The following CPQ variants were observed in gnomAD, a reference collection of about 807,000 sequenced individuals.
CPQ encodes the protein Ser-Met dipeptidase.
CPQ carries 37 observed loss-of-function variants against 45.7 expected under a neutral mutation model. The observed-to-expected ratio is 0.81, with a 90% confidence interval of 0.62 to 1.07. The LOEUF is 1.07. Ranked by LOEUF, CPQ falls within the 50% of genes least tolerant of loss-of-function variation. The pLI is 0.00. For synonymous variants in CPQ, 186 were observed against 205.8 expected (o/e 0.90, Z 0.82); for missense variants, 537 against 572.9 (o/e 0.94, Z 0.64).
intron 4 of CPQ, among the ~76,000 whole-genome samples, chr8:96,926,524 TTTC>T (rs1006251819): frequency 6.7e-6 from 1 of 149,670 alleles, no homozygotes; most frequent in Non-Finnish European, 1.5e-5. Flanking sequence ...CCAGTCCTCC[TTTC>T]TTCTTTTTCT....
chr8:96,774,186 G>T (rs1383638318), intron 1 of CPQ, among the ~76,000 whole-genome samples: 1 of 151,870 alleles, frequency 6.6e-6, no homozygotes, highest in Non-Finnish European at 1.5e-5. Context: ...CAGGGGAATT[G>T]CTTGAACCCA....
chr8:97,093,217 G>T (rs1043153883), intron 7 of CPQ, among the ~76,000 whole-genome samples: 25 of 152,318 alleles, frequency 1.6e-4, no homozygotes, highest in African/African-American at 6.0e-4. Context: ...CACACTGCTG[G>T]TGGGAATGTA....
intron 7 of CPQ, among the ~76,000 whole-genome samples, chr8:97,112,449 C>T (rs1811513681): frequency 6.6e-6 from 1 of 152,172 alleles, no homozygotes. Context: ...ATGAGGGTGG[C>T]ATGGCACAGA....
intron 1 of CPQ, among the ~76,000 whole-genome samples, chr8:96,685,593 T>G (rs971975581): frequency 2.0e-5 from 3 of 152,148 alleles, no homozygotes; most frequent in Non-Finnish European, 4.4e-5. Flanking sequence ...TATTTTTCTG[T>G]TTACAAACCA....
intron 7 of CPQ, among the ~76,000 whole-genome samples, chr8:97,123,389 TAGC>T (rs1197685252): frequency 6.7e-6 from 1 of 150,358 alleles, no homozygotes; most frequent in East Asian, 1.9e-4. Flanking sequence ...TATATGATAA[TAGC>T]ATAAAAGAAA....
At chr8:96,720,703 C>T (rs1257328426) in intron 1 of CPQ, among the ~76,000 whole-genome samples, 4 of 151,742 alleles carry the variant, frequency 2.6e-5, no homozygotes, top group Non-Finnish European at 4.4e-5. Context: ...CAGTTTTGCT[C>T]CCCCCTCCTC....
chr8:97,044,710 C>T (rs1203068875), intron 6 of CPQ, among the ~76,000 whole-genome samples: 2 of 152,202 alleles, frequency 1.3e-5, no homozygotes, highest in South Asian at 2.1e-4. Flanking sequence ...ACAGACAGGA[C>T]CCTCAGCTGC....
intron 1 of CPQ, among the ~76,000 whole-genome samples, chr8:96,708,962 C>T (rs1809571403): frequency 6.6e-6 from 1 of 152,030 alleles, no homozygotes; most frequent in Non-Finnish European, 1.5e-5. Flanking sequence ...AAGTATTTTA[C>T]TTTTCAGTTT....
chr8:96,923,426 A>T (rs540415938), intron 4 of CPQ, among the ~76,000 whole-genome samples: 11 of 152,234 alleles, frequency 7.2e-5, no homozygotes, highest in African/African-American at 2.6e-4. Flanking sequence ...GTCCATTGGG[A>T]ATAATTTAGT....
At chr8:96,964,651 A>G (rs532486003) in intron 4 of CPQ, among the ~76,000 whole-genome samples, 12 of 152,152 alleles carry the variant, frequency 7.9e-5, no homozygotes, top group Non-Finnish European at 1.8e-4. Flanking sequence ...AGATCTTAGT[A>G]AATATTTAGA....
chr8:96,733,688 T>C lies in CPQ; in HGVS notation c.-34-51176T>C, dbSNP rs891149940. Among the ~76,000 whole-genome samples, 4 of 152,300 alleles carry C rather than the reference T, an allele frequency of 2.6e-5. No homozygotes were observed. In the East Asian group the frequency reaches 5.8e-4, roughly 22 times the overall value. ...CAATATGTCAGAAACATTATCATTTTAACATGTAATCGTGTAAATAATGAG... is the reference window on the plus strand; with the variant it reads ...CAATATGTCAGAAACATTATCATTTCAACATGTAATCGTGTAAATAATGAG... On this transcript the variant is annotated intron_variant, in intron 1 of 7. Coordinates refer to ENST00000220763, the MANE Select transcript of CPQ (RefSeq NM_016134.4).
intron 5 of CPQ, among the ~76,000 whole-genome samples, chr8:96,990,817 G>A (rs528382786): frequency 3.6e-4 from 55 of 152,310 alleles, no homozygotes; most frequent in Admixed American, 1.6e-3. Flanking sequence ...CTGGGTAGCA[G>A]GTGACCCCTA....
At chr8:97,021,098 A>G (rs1233694610) in intron 5 of CPQ, among the ~76,000 whole-genome samples, 2 of 152,242 alleles carry the variant, frequency 1.3e-5, no homozygotes, top group Non-Finnish European at 2.9e-5. Context: ...GATACACCAC[A>G]TAAGCAGAAT....
In CPQ at chr8:96,834,536, GGTT is replaced by G. The variant is rs202064731; in HGVS notation, c.434-433_434-431del. 7.5e-3 allele frequency among the ~76,000 whole-genome samples: 1,145 copies of G among 152,202 alleles called. 6 individuals are homozygous for G. The highest frequency in any genetic ancestry group is 9.3e-3 in the Non-Finnish European group (635 of 68,006). On this transcript the variant is annotated intron_variant, in intron 2 of 7. Coordinates refer to ENST00000220763, the MANE Select transcript of CPQ (RefSeq NM_016134.4). ...GCATCCTTTGTATGATGTTGTTGTA[GGTT>G]GTTTAGCAACATATCAAAATAGTTA... is the stretch of plus-strand genomic sequence containing the variant.
intron 4 of CPQ, among the ~76,000 whole-genome samples, chr8:96,946,145 A>T (rs941364626): frequency 6.6e-6 from 1 of 152,018 alleles, no homozygotes; most frequent in African/African-American, 2.4e-5. Context: ...ATTTGATTTC[A>T]TCTTCAGCAC....
At chr8:96,952,623 G>A (rs2130340304) in intron 4 of CPQ, among the ~76,000 whole-genome samples, 1 of 152,112 alleles carries the variant, frequency 6.6e-6, no homozygotes, top group Non-Finnish European at 1.5e-5. Flanking sequence ...CTATTATAAG[G>A]GGTATAGCAA....
intron 2 of CPQ, among the ~76,000 whole-genome samples, chr8:96,803,133 A>G (rs1054035709): frequency 2.0e-5 from 3 of 152,182 alleles, no homozygotes; most frequent in Non-Finnish European, 4.4e-5. Flanking sequence ...AATAGTATAC[A>G]TTCCAGTCTG....
chr8:96,649,089 C>T (rs767340346), intron 1 of CPQ, among the ~76,000 whole-genome samples: 32 of 152,250 alleles, frequency 2.1e-4, no homozygotes, highest in East Asian at 9.6e-4. Context: ...GATTCTCCTG[C>T]CTCAGCCTCC....
intron 4 of CPQ, among the ~76,000 whole-genome samples, chr8:96,919,027 GTACATAA>G (rs1812770717): frequency 2.0e-5 from 3 of 151,976 alleles, no homozygotes; most frequent in Admixed American, 1.3e-4. Flanking sequence ...TGCCCCATGG[GTACATAA>G]GTTACTCTAG....
Sources: gnomAD v4.1 joint callset for allele counts (sites outside exome capture counted in the v4.1 genomes callset) on GRCh38, gnomAD v4.1.1 for gene constraint, MANE v1.5 for transcripts, NCBI Gene and HGNC (gene_info 2026-07-23, HGNC 2026-07-21) for gene names.